XG: variants seen among roughly 807,000 people sequenced by gnomAD.
The protein encoded by XG is Xg glycoprotein (Xg blood group).
In XG, 24 loss-of-function variants were observed where a neutral mutation model predicts 25.7. The observed-to-expected ratio is 0.93, with a 90% CI of 0.68 to 1.31. The LOEUF (loss-of-function observed/expected upper bound fraction) is 1.31. Among genes scored for constraint, XG ranks in the 40% most tolerant of loss-of-function variants. XG has a pLI of 0.00. For missense variants in XG, 181 were observed against 187.6 expected, an observed-to-expected ratio of 0.96 and a Z score of 0.21; for synonymous variants, 77 against 69.2, an observed-to-expected ratio of 1.11 and a Z score of -0.56.
chrX:2,765,680 G>A (rs184461582), intron 1 of XG, among the ~76,000 whole-genome samples: 171 of 152,262 alleles, frequency 1.1e-3, no homozygotes, highest in Non-Finnish European at 2.0e-3. Flanking sequence ...TCTTTAAAGC[G>A]AGGTAAATAA....
chrX:2,789,316 C>T (rs1292506692), intron 4 of XG, among the ~76,000 whole-genome samples: 2 of 112,066 alleles, frequency 1.8e-5, no homozygotes, highest in South Asian at 3.7e-4. Flanking sequence ...TCAGATGTTT[C>T]ATCCTAACAT....
intron 5 of XG, among the ~76,000 whole-genome samples, chrX:2,793,542 C>T (rs1222090426): frequency 2.7e-5 from 3 of 112,160 alleles, no homozygotes; most frequent in African/African-American, 9.7e-5. Flanking sequence ...GCTCTCTCAG[C>T]GTGGATTCTC....
intron 4 of XG, among the ~76,000 whole-genome samples, chrX:2,787,894 C>A: frequency 1.3e-5 from 1 of 76,899 alleles, no homozygotes; most frequent in Non-Finnish European, 2.4e-5. Context: ...GCAACAACAG[C>A]AAAACTCCTT....
At chrX:2,769,036 C>T (rs1408923768) in intron 1 of XG, among the ~76,000 whole-genome samples, 1 of 152,184 alleles carries the variant, frequency 6.6e-6, no homozygotes, top group African/African-American at 2.4e-5. Context: ...GTTCCCCTTC[C>T]CTCCAAGGTT....
intron 3 of XG, among the ~76,000 whole-genome samples, chrX:2,777,864 T>A (rs2051035679): frequency 6.6e-6 from 1 of 151,894 alleles, no homozygotes; most frequent in Non-Finnish European, 1.5e-5. Flanking sequence ...ATCGAGACCA[T>A]CCTGGCTAAC....
At chrX:2,781,777 A>G (rs938425342) in intron 3 of XG, among the ~76,000 whole-genome samples, 31 of 112,091 alleles carry the variant, frequency 2.8e-4, no homozygotes, top group Non-Finnish European at 1.1e-4. Flanking sequence ...TTTCTTTTTT[A>G]TATTACTTGC....
At chrX:2,783,646 G>C (rs1196899165) in intron 4 of XG, among the ~76,000 whole-genome samples, 1 of 112,110 alleles carries the variant, frequency 8.9e-6, no homozygotes, top group Admixed American at 9.4e-5. Context: ...TAAAAACAGA[G>C]ACCAAGACCC....
chrX:2,780,270 C>A (rs1460111992), intron 3 of XG, among the ~76,000 whole-genome samples: 1 of 150,996 alleles, frequency 6.6e-6, no homozygotes, highest in Non-Finnish European at 1.5e-5. Flanking sequence ...TCATTCCATT[C>A]GCTGACAAGA....
intron 4 of XG, 144 bp downstream of exon 4, chrX:2,782,272 G>C (rs771638511): frequency 7.6e-5 from 51 of 674,914 alleles, no homozygotes; most frequent in African/African-American, 6.3e-4. Context: ...TTCCTCACTG[G>C]GGGGAGCAAG....
At chrX:2,811,886 G>C (rs1030153290) in intron 10 of XG, among the ~76,000 whole-genome samples, 1 of 111,849 alleles carries the variant, frequency 8.9e-6, no homozygotes, top group Non-Finnish European at 1.9e-5. Flanking sequence ...GTGAGCCACC[G>C]TGCCTGGCCA....
chrX:2,760,913 T>A (rs2050551422), intron 1 of XG, among the ~76,000 whole-genome samples: 1 of 150,928 alleles, frequency 6.6e-6, no homozygotes, highest in African/African-American at 2.4e-5. Context: ...AGGAGAGAGG[T>A]CTCAGTAGGA....
chrX:2,802,676 G>A (rs370959544), intron 7 of XG, among the ~76,000 whole-genome samples: 3 of 109,120 alleles, frequency 2.7e-5, no homozygotes, highest in South Asian at 4.2e-4. Flanking sequence ...GGGTGGCGCC[G>A]GCTGGTGCAT....
At chrX:2,760,810 T>G (rs1034443652) in intron 1 of XG, among the ~76,000 whole-genome samples, 12 of 150,300 alleles carry the variant, frequency 8.0e-5, no homozygotes, top group African/African-American at 2.7e-4. Context: ...CCAACAGGAC[T>G]GCAGACCTTA....
In XG at chrX:2,789,668, G is replaced by A. The variant is rs141168663; in HGVS notation, c.215G>A (p.Arg72His). 2.7e-5 allele frequency: 32 copies of A among 1,164,236 alleles called. No homozygotes were observed. The South Asian group carries it at 4.5e-4, about 16-fold the overall frequency. ...GGNIYPRPKP[R>H]PQPQPGNSGN... ...GATATCTACCCAAGGCCAAAGCCAC[G>A]CCCTCAACCCCAGCCTGGCAATTCC... is the stretch of plus-strand genomic sequence containing the variant. Residue 72 changes from arginine to histidine, a missense_variant, in exon 5 of 11, where the codon CGC becomes CAC. By Grantham distance (29) the Arg-to-His change is conservative (BLOSUM62 0). Coordinates refer to ENST00000644266, the MANE Select transcript of XG (RefSeq NM_001141919.2).
At chrX:2,797,720 A>G (rs1278419123) in intron 7 of XG, among the ~76,000 whole-genome samples, 1 of 111,150 alleles carries the variant, frequency 9.0e-6, no homozygotes, top group Non-Finnish European at 1.9e-5. Flanking sequence ...CAGCTCGCTT[A>G]CTTCAAGCAG....
rs772308165 is a variant in XG, at chrX:2,794,578, C to T, written c.297C>T (p.Pro99=). 4.1e-6 allele frequency: 5 copies of T among 1,210,263 alleles called. No individual in the cohort carries two copies. In the Admixed American group the frequency reaches 6.5e-5, roughly 16 times the overall value. The change falls in exon 6 of 11, where the codon CCC becomes CCT. Residue 99 remains proline (P), a synonymous_variant. Coordinates refer to ENST00000644266, the MANE Select transcript of XG (RefSeq NM_001141919.2). ...ACCGTGATGACGGACGCTACCCGCCCAGGCCCAGGCCACGGCCGCCTGCAG... is the reference window on the plus strand; with the variant it reads ...ACCGTGATGACGGACGCTACCCGCCTAGGCCCAGGCCACGGCCGCCTGCAG... The part of the protein sequence containing the change: ...DVDRDDGRYP[P]RPRPRPPAGG...
rs2087103946 is a variant in XG, at chrX:2,816,289, A to G, written c.*1909A>G. The stretch of plus-strand genomic sequence containing the variant: ...AAAGCCTTGATAAAACGTCATCTCC[A>G]TGTAATTTAGAGAAGGATAACCTTG... On this transcript the variant is annotated 3_prime_UTR_variant, in exon 11 of 11. Transcript: ENST00000644266. 1 of 111,912 alleles carries G rather than the reference A, an allele frequency of 8.9e-6. No homozygotes were observed. The highest frequency in any genetic ancestry group is 9.5e-5 in the Admixed American group (1 of 10,547). 9.2% of individuals were successfully genotyped at this position (111,912 alleles called of 1,213,427 possible).
In XG at chrX:2,803,921, C is replaced by A. The variant is rs5982586; in HGVS notation, c.374-2780C>A. On this transcript the variant is annotated intron_variant, in intron 7 of 10. Transcript: ENST00000644266. The stretch of plus-strand genomic sequence containing the variant: ...GCAGTGGTGTGATCTCGGCTCACTG[C>A]ATCCTCTGCCTCCCTGGTTCAAGCA... 8.4e-3 allele frequency among the ~76,000 whole-genome samples: 925 copies of A among 110,760 alleles called. 17 individuals are homozygous for A. Among genetic ancestry groups the A allele is most frequent in the African/African-American group, 0.029 (875 of 30,396 alleles).
chrX:2,794,722 G>A, intron 6 of XG, 119 bp downstream of exon 6: 1 of 833,562 alleles, frequency 1.2e-6, no homozygotes, highest in African/African-American at 2.0e-5. Flanking sequence ...ACGAGCAGAC[G>A]ATAAGCTGGT....
Sources: gnomAD v4.1 joint callset for allele counts (sites outside exome capture counted in the v4.1 genomes callset) on GRCh38, gnomAD v4.1.1 for gene constraint, MANE v1.5 for transcripts, NCBI Gene and HGNC (gene_info 2026-07-23, HGNC 2026-07-21) for gene names.